Variants in KLF13 observed in about 807,000 individuals in gnomAD.
KLF13 encodes the protein Krueppel-like factor 13.
A neutral mutation model predicts 16.7 loss-of-function variants in KLF13; 8 were observed. The ratio of observed to expected loss-of-function variants is 0.48; its 90% CI spans 0.28 to 0.87. The LOEUF is 0.87. Among genes scored for constraint, KLF13 ranks in the 40% least tolerant of loss-of-function variants. KLF13 has a pLI of 0.10. For synonymous variants in KLF13, 245 were observed against 208.4 expected (o/e 1.18, Z -1.51); for missense variants, 447 against 452.2 (o/e 0.99, Z 0.10).
intron 1 of KLF13, among the ~76,000 whole-genome samples, chr15:31,351,737 C>T (rs996539823): frequency 1.3e-5 from 2 of 152,116 alleles, no homozygotes; most frequent in Non-Finnish European, 2.9e-5. Context: ...GCACACCGGG[C>T]GCGGTGGCTC....
At chr15:31,364,913 C>A (rs576411936) in intron 1 of KLF13, among the ~76,000 whole-genome samples, 22 of 152,320 alleles carry the variant, frequency 1.4e-4, no homozygotes, top group South Asian at 4.1e-4. Context: ...GAAGTCCACC[C>A]CCCACCACAG....
intron 1 of KLF13, among the ~76,000 whole-genome samples, chr15:31,340,905 G>T (rs2039011775): frequency 6.6e-6 from 1 of 152,198 alleles, no homozygotes; most frequent in South Asian, 2.1e-4. Flanking sequence ...CAAAGGTATT[G>T]AAATAGTATT....
In KLF13 at chr15:31,334,784, G is replaced by T. The variant is rs117917651; in HGVS notation, c.577+6995G>T. 5.3e-3 allele frequency among the ~76,000 whole-genome samples: 804 copies of T among 152,292 alleles called. 5 individuals carry two copies. The highest frequency in any genetic ancestry group is 0.017 in the Middle Eastern group (5 of 294). ...TATTTTCTTGAGAAGTCAACTTCCTGTCGAGATGGGAATAAACTTTTCTCC... is the reference window on the plus strand; with the variant it reads ...TATTTTCTTGAGAAGTCAACTTCCTTTCGAGATGGGAATAAACTTTTCTCC... On this transcript the variant is annotated intron_variant, in intron 1 of 1. Coordinates refer to ENST00000307145, the MANE Select transcript of KLF13 (RefSeq NM_015995.4).
At chr15:31,355,730 C>G (rs2039289458) in intron 1 of KLF13, among the ~76,000 whole-genome samples, 1 of 152,070 alleles carries the variant, frequency 6.6e-6, no homozygotes, top group South Asian at 2.1e-4. Flanking sequence ...ACAGTAAATG[C>G]TAGTTGCAGG....
chr15:31,333,697 C>A (rs529094675), intron 1 of KLF13, among the ~76,000 whole-genome samples: 3 of 152,226 alleles, frequency 2.0e-5, no homozygotes, highest in African/African-American at 7.2e-5. Flanking sequence ...CCTAAAATGT[C>A]CAGTATAGGA....
At chr15:31,363,980 T>G (rs2039425665) in intron 1 of KLF13, among the ~76,000 whole-genome samples, 1 of 152,214 alleles carries the variant, frequency 6.6e-6, no homozygotes, top group East Asian at 1.9e-4. Context: ...ATAACATGTA[T>G]TGACTGCTCC....
At chr15:31,337,072 T>A (rs1699796359) in intron 1 of KLF13, among the ~76,000 whole-genome samples, 1 of 152,214 alleles carries the variant, frequency 6.6e-6, no homozygotes, top group Admixed American at 6.5e-5. Context: ...ACTGCCCCGT[T>A]GTCCTCACCT....
chr15:31,394,513 G>C (rs1293373602), intron 2 of KLF13, among the ~76,000 whole-genome samples: 1 of 151,670 alleles, frequency 6.6e-6, no homozygotes. Flanking sequence ...AGAAAAGAAA[G>C]AAAGTAGGGA....
rs554443840 is a variant in KLF13 at position 31,377,520 on chromosome 15, A to G, written c.*5221A>G. The G allele has an allele frequency of 6.5e-6, 1 of 152,728 alleles. No homozygotes were observed. The highest frequency in any genetic ancestry group is 2.1e-4 in the South Asian group (1 of 4,816). 9.5% of individuals were successfully genotyped at this position (152,728 alleles called of 1,614,324 possible). On this transcript the variant is annotated 3_prime_UTR_variant, in exon 2 of 2. Transcript: ENST00000307145. ...CGCACAGGCAACCCCTTCCCATCCA[A>G]AGCCATTGGTGGAGCTTCTCTGGAA... is the stretch of plus-strand genomic sequence containing the variant.
chr15:31,419,485 C>A (rs2040296038), intron 1 of KLF13, among the ~76,000 whole-genome samples: 1 of 151,804 alleles, frequency 6.6e-6, no homozygotes, highest in Non-Finnish European at 1.5e-5. Context: ...GAAGAAAAAA[C>A]AAATAGAAAT....
Position 31,365,739 on chromosome 15 carries a change from G to A in KLF13, c.578-6271G>A, listed in dbSNP as rs145608858. Among the ~76,000 whole-genome samples the A allele has an allele frequency of 2.5e-3, 386 of 152,248 alleles. 1 individual carries two copies. The highest frequency in any genetic ancestry group is 8.8e-3 in the African/African-American group (367 of 41,542). On this transcript the variant is annotated intron_variant, in intron 1 of 1. Transcript: ENST00000307145. ...CAGAGTGGAGTCCATGCCACAGCCC[G>A]AGTCTGAGCTCAGGCTTTGAGCTGG...
At chr15:31,328,031 C>T (rs2038751367) in intron 1 of KLF13, among the ~76,000 whole-genome samples, 1 of 148,600 alleles carries the variant, frequency 6.7e-6, no homozygotes, top group Non-Finnish European at 1.5e-5. Flanking sequence ...CACGCCCCCT[C>T]CCCGGGCGCG....
intron 1 of KLF13, among the ~76,000 whole-genome samples, chr15:31,345,826 T>A (rs552481329): frequency 2.9e-4 from 44 of 152,054 alleles, no homozygotes; most frequent in Non-Finnish European, 5.4e-4. Context: ...CCACACGAGG[T>A]CATATTTGCA....
rs1264122475 is a variant in KLF13 at position 31,373,623 on chromosome 15, C to T, written c.*1324C>T. The T allele has an allele frequency of 6.6e-6, 1 of 152,208 alleles. No individual in the cohort carries two copies. Among genetic ancestry groups the T allele is most frequent in the Non-Finnish European group, 1.5e-5 (1 of 68,064 alleles). 9.4% of individuals were successfully genotyped at this position (152,208 alleles called of 1,614,324 possible). ...GCCACACCCAGCTGGTGGGGCTGCT[C>T]CAGTGCCCCATCACCGGCCTTCTCC... On this transcript the variant is annotated 3_prime_UTR_variant, in exon 2 of 2. Coordinates refer to ENST00000307145, the MANE Select transcript of KLF13 (RefSeq NM_015995.4).
At chr15:31,351,645 G>A (rs1479527980) in intron 1 of KLF13, among the ~76,000 whole-genome samples, 5 of 152,228 alleles carry the variant, frequency 3.3e-5, no homozygotes, top group Non-Finnish European at 5.9e-5. Context: ...TGTGCTACCC[G>A]CAAGCAAGGC....
At chr15:31,435,618 A>G (rs749347142) in exon 2 of KLF13, 10 of 152,054 alleles carry the variant, frequency 6.6e-5, no homozygotes, top group South Asian at 2.1e-4. Flanking sequence ...TTGGCTTGTT[A>G]CTTTTTCTTT....
chr15:31,434,694 C>G (rs910010164), intron 1 of KLF13, among the ~76,000 whole-genome samples: 2 of 152,214 alleles, frequency 1.3e-5, no homozygotes, highest in Non-Finnish European at 2.9e-5. Context: ...GAGTCAGTAG[C>G]TGGGAAAATA....
At chr15:31,331,211 T>G (rs1269155938) in intron 1 of KLF13, among the ~76,000 whole-genome samples, 4 of 152,254 alleles carry the variant, frequency 2.6e-5, no homozygotes, top group Non-Finnish European at 5.9e-5. Flanking sequence ...GGGCCCTTTC[T>G]GGGTTCTGGG....
At chr15:31,356,156 A>G (rs2039297659) in intron 1 of KLF13, among the ~76,000 whole-genome samples, 1 of 152,126 alleles carries the variant, frequency 6.6e-6, no homozygotes, top group Non-Finnish European at 1.5e-5. Flanking sequence ...CCCGATAGGT[A>G]GTTTTTCAGT....
Sources: allele counts gnomAD v4.1 joint callset (sites outside exome capture counted in the v4.1 genomes callset), GRCh38; gene constraint gnomAD v4.1.1; transcripts MANE v1.5; gene names NCBI Gene and HGNC (gene_info 2026-07-23, HGNC 2026-07-21).